The following TNKS variants were observed in gnomAD, a reference collection of about 807,000 sequenced individuals.
The protein encoded by TNKS is tankyrase.
A neutral mutation model predicts 135.8 loss-of-function variants in TNKS; 72 were observed. The observed-to-expected ratio is 0.53, with a 90% CI of 0.44 to 0.64. The LOEUF is 0.64. Ranked by LOEUF, TNKS falls within the 30% of genes least tolerant of loss-of-function variation. The pLI is 0.00. For synonymous variants in TNKS, 849 were observed against 649.3 expected (o/e 1.31, Z -4.68); for missense variants, 1,769 against 1,674.0 (o/e 1.06, Z -0.99).
chr8:9,584,710 A>C (rs1358362472), intron 2 of TNKS, among the ~76,000 whole-genome samples: 4 of 152,230 alleles, frequency 2.6e-5, no homozygotes, highest in Non-Finnish European at 4.4e-5. Context: ...TCTTTATTTA[A>C]GTCTCACTGC....
intron 12 of TNKS, among the ~76,000 whole-genome samples, chr8:9,721,783 G>A (rs183582414): frequency 6.6e-6 from 1 of 152,204 alleles, no homozygotes; most frequent in Admixed American, 6.5e-5. Flanking sequence ...ATCGGGCATG[G>A]TGGCTGACGC....
At chr8:9,698,137 A>G (rs1803605237) in intron 5 of TNKS, among the ~76,000 whole-genome samples, 1 of 152,186 alleles carries the variant, frequency 6.6e-6, no homozygotes, top group Non-Finnish European at 1.5e-5. Context: ...AACCTAAACG[A>G]ATTAATGTAG....
intron 2 of TNKS, among the ~76,000 whole-genome samples, chr8:9,613,438 A>AT (rs1799533733): frequency 6.6e-6 from 1 of 152,168 alleles, no homozygotes; most frequent in Non-Finnish European, 1.5e-5. Flanking sequence ...TGCTGATCTA[A>AT]TGAGGGGTTA....
intron 3 of TNKS, among the ~76,000 whole-genome samples, chr8:9,655,066 A>G (rs1801300714): frequency 1.3e-5 from 2 of 152,170 alleles, no homozygotes; most frequent in African/African-American, 2.4e-5. Context: ...CACTTTTCCA[A>G]CGGGCTTAAT....
intron 11 of TNKS, among the ~76,000 whole-genome samples, chr8:9,713,558 C>T (rs1403510800): frequency 6.6e-6 from 1 of 152,156 alleles, no homozygotes; most frequent in African/African-American, 2.4e-5. Context: ...CTGTCAATGA[C>T]TTAGAAGAAC....
chr8:9,565,943 T>C (rs1183463343), intron 1 of TNKS, among the ~76,000 whole-genome samples: 1 of 152,222 alleles, frequency 6.6e-6, no homozygotes, highest in Non-Finnish European at 1.5e-5. Context: ...TTTTTGTGTC[T>C]ACATGTATAT....
rs1256435175 is a variant in TNKS, at chr8:9,772,068, GGAGAGAGGGA to G, written c.3897+1813_3897+1822del. Among the ~76,000 whole-genome samples, 1,090 of 130,762 alleles carry G rather than the reference GGAGAGAGGGA, an allele frequency of 8.3e-3. 5 individuals are homozygous for G. The highest frequency in any genetic ancestry group is 0.02 in the African/African-American group (700 of 34,178). 85.8% of individuals were successfully genotyped at this position (130,762 alleles called of 152,430 possible). A position where few individuals can be genotyped will look rare whatever the true frequency, so the allele number is the denominator to read the frequency against. Reference sequence around the variant, plus strand: ...GACAGAGGTAGGGAGGGATGGAGGGGGAGAGAGGGAGAGAGAAGGAGGGAGGGAGAAACAG... The same window carrying G: ...GACAGAGGTAGGGAGGGATGGAGGGGGAGAGAAGGAGGGAGGGAGAAACAG... On this transcript the variant is annotated intron_variant, in intron 26 of 26. Coordinates refer to ENST00000310430, the MANE Select transcript of TNKS (RefSeq NM_003747.3).
intron 17 of TNKS, 102 bp downstream of exon 17, chr8:9,735,588 C>G: frequency 1.2e-6 from 1 of 857,514 alleles, no homozygotes; most frequent in Non-Finnish European, 1.9e-6. Flanking sequence ...ATCACGAGGT[C>G]AGGAGGTCGA....
At chr8:9,756,962 T>C (rs1806863701) in intron 20 of TNKS, among the ~76,000 whole-genome samples, 1 of 151,430 alleles carries the variant, frequency 6.6e-6, no homozygotes, top group South Asian at 2.1e-4. Flanking sequence ...ACTTTTTTTG[T>C]TTTTGTTTGT....
intron 5 of TNKS, among the ~76,000 whole-genome samples, chr8:9,699,782 T>C (rs1451313990): frequency 6.6e-6 from 1 of 152,200 alleles, no homozygotes; most frequent in African/African-American, 2.4e-5. Context: ...GCTCTCTCTC[T>C]TCAGCTTTAT....
chr8:9,641,169 G>A (rs904204160), intron 3 of TNKS, among the ~76,000 whole-genome samples: 1 of 145,820 alleles, frequency 6.9e-6, no homozygotes, highest in Non-Finnish European at 1.5e-5. Context: ...GCCTTTGGCT[G>A]GAGAACATTA....
At chr8:9,654,517 T>C (rs1337743507) in intron 3 of TNKS, among the ~76,000 whole-genome samples, 1 of 152,224 alleles carries the variant, frequency 6.6e-6, no homozygotes, top group Non-Finnish European at 1.5e-5. Flanking sequence ...TTAAAGAATG[T>C]TTTTCACTTC....
intron 5 of TNKS, among the ~76,000 whole-genome samples, chr8:9,698,243 A>T (rs937365000): frequency 1.3e-5 from 2 of 152,082 alleles, no homozygotes; most frequent in African/African-American, 4.8e-5. Context: ...GACATTGCAG[A>T]CTACTAGAGC....
At chr8:9,677,081 G>A (rs944226872) in intron 3 of TNKS, among the ~76,000 whole-genome samples, 3 of 152,152 alleles carry the variant, frequency 2.0e-5, no homozygotes, top group Non-Finnish European at 4.4e-5. Flanking sequence ...AGTGTGAGGG[G>A]CTCTAAATTC....
chr8:9,680,727 G>C lies in TNKS; in HGVS notation c.1034G>C (p.Ser345Thr), dbSNP rs201078116. 3.1e-6 allele frequency: 5 copies of C among 1,607,742 alleles called. No homozygotes were observed. Reference sequence around the variant, plus strand: ...ATTGACTTACTACCTTTTTATAGGAGTGGTAATGAAGAAAAACTAATGGCT... The same window carrying C: ...ATTGACTTACTACCTTTTTATAGGACTGGTAATGAAGAAAAACTAATGGCT... ...KKDELLEAARSGNEEKLMALL... is the reference protein window; with the variant it reads ...KKDELLEAARTGNEEKLMALL... Residue 345 changes from serine to threonine, a missense_variant and splice_region_variant, in exon 5 of 27, where the codon AGT becomes ACT. Physicochemically the swap from Ser to Thr is moderately conservative, Grantham distance 58 (BLOSUM62 1). Coordinates refer to ENST00000310430, the MANE Select transcript of TNKS (RefSeq NM_003747.3).
At chr8:9,625,326 T>G (rs1800017846) in intron 3 of TNKS, among the ~76,000 whole-genome samples, 2 of 152,068 alleles carry the variant, frequency 1.3e-5, no homozygotes, top group African/African-American at 4.8e-5. Context: ...GTCAATTTTA[T>G]TGATCTTTTC....
intron 4 of TNKS, among the ~76,000 whole-genome samples, chr8:9,680,514 A>G (rs957086741): frequency 1.3e-5 from 2 of 152,240 alleles, no homozygotes; most frequent in Admixed American, 6.5e-5. Context: ...GTAGAAAGCT[A>G]TGTTATTTAA....
At chr8:9,711,875 A>T (rs1254089785) in intron 11 of TNKS, among the ~76,000 whole-genome samples, 2 of 152,216 alleles carry the variant, frequency 1.3e-5, no homozygotes, top group African/African-American at 4.8e-5. Context: ...TATCTACATA[A>T]TTTAAACACA....
chr8:9,766,295 A>G lies in TNKS; in HGVS notation c.3610A>G (p.Ile1204Val), dbSNP rs557903888. The G allele has an allele frequency of 1.9e-6, 3 of 1,613,914 alleles. No individual in the cohort carries two copies. In the East Asian group the frequency reaches 6.7e-5, roughly 36 times the overall value. ...HKGFDERHAYIGGMFGAGIYF... is the reference protein window; with the variant it reads ...HKGFDERHAYVGGMFGAGIYF... ...AGGGTTTGATGAGCGACATGCATAC[A>G]TAGGAGGAATGTTTGGGGCCGGGAT... Residue 1204 changes from isoleucine to valine, a missense_variant, in exon 25 of 27, where the codon ATA becomes GTA. This residue lies in a region of TNKS where 722 missense variants were observed against 688.9 expected (regional missense o/e 1.05). Coordinates refer to ENST00000310430, the MANE Select transcript of TNKS (RefSeq NM_003747.3).
Sources: allele counts gnomAD v4.1 joint callset (sites outside exome capture counted in the v4.1 genomes callset), GRCh38; gene constraint gnomAD v4.1.1; regional missense constraint gnomAD v4.1.1; transcripts MANE v1.5; gene names NCBI Gene and HGNC (gene_info 2026-07-23, HGNC 2026-07-21).